The following TSGA13 variants were observed in gnomAD, a reference collection of about 807,000 sequenced individuals.
The protein encoded by TSGA13 is testis-specific gene 13 protein.
A neutral mutation model predicts 35.1 loss-of-function variants in TSGA13; 37 were observed. The observed-to-expected ratio is 1.05, with a 90% CI of 0.81 to 1.39. The LOEUF (loss-of-function observed/expected upper bound fraction) is 1.39. Among genes scored for constraint, TSGA13 ranks in the 40% most tolerant of loss-of-function variants. The probability of loss-of-function intolerance (pLI) is 0.00; values close to 1 mark genes in which losing one functional copy is unlikely to be tolerated. For missense variants in TSGA13, 338 were observed against 328.5 expected, an observed-to-expected ratio of 1.03 and a Z score of -0.22; for synonymous variants, 124 against 121.2, an observed-to-expected ratio of 1.02 and a Z score of -0.15.
intron 3 of TSGA13, among the ~76,000 whole-genome samples, chr7:130,681,360 T>C (rs561120480): frequency 2.0e-5 from 3 of 152,288 alleles, no homozygotes; most frequent in Admixed American, 2.0e-4. Flanking sequence ...TTCTTTCTTA[T>C]GCCTTTTCCA....
chr7:130,678,117 G>A (rs1348931852), intron 5 of TSGA13, among the ~76,000 whole-genome samples: 9 of 152,094 alleles, frequency 5.9e-5, no homozygotes, highest in South Asian at 2.1e-4. Context: ...GATGGCTCAC[G>A]CCTGTAATCC....
chr7:130,685,733 A>G (rs1232847116), intron 1 of TSGA13, among the ~76,000 whole-genome samples: 6 of 152,226 alleles, frequency 3.9e-5, no homozygotes, highest in African/African-American at 1.4e-4. Flanking sequence ...TCCTCCTGTC[A>G]ACAAAGCCAT....
chr7:130,673,492 A>G (rs1487357108), intron 5 of TSGA13, among the ~76,000 whole-genome samples: 4 of 152,160 alleles, frequency 2.6e-5, no homozygotes, highest in Non-Finnish European at 4.4e-5. Context: ...TTGATCAGCC[A>G]ATAGATATCT....
At position 130,679,317 on chromosome 7, in the gene TSGA13, A is replaced by G. The variant is rs372499482; in HGVS notation, c.225T>C (p.Ala75=). The change falls in exon 5 of 8, where the codon GCT becomes GCC. Residue 75 remains alanine, a synonymous_variant. Coordinates refer to ENST00000356588, the MANE Select transcript of TSGA13 (RefSeq NM_052933.4). ...TGAAGCTGGTGTTTTTCCTGTTTTGAGCCAGGAATTTCTGCAGGGCAGTGG... is the reference window on the plus strand; with the variant it reads ...TGAAGCTGGTGTTTTTCCTGTTTTGGGCCAGGAATTTCTGCAGGGCAGTGG... The part of the protein sequence containing the change: ...LKATALQKFL[A]QNRKNTSFML... The G allele has an allele frequency of 6.2e-7, 1 of 1,613,936 alleles. No homozygotes were observed. The highest frequency in any genetic ancestry group is 8.5e-7 in the Non-Finnish European group (1 of 1,179,994).
At position 130,672,465 on chromosome 7, in the gene TSGA13, CT is replaced by C. The variant is rs35118750; in HGVS notation, c.530+268del. On this transcript the variant is annotated intron_variant, in intron 6 of 7. Coordinates refer to ENST00000356588, the MANE Select transcript of TSGA13 (RefSeq NM_052933.4). ...TAGCGCCTAACTTGTATTGAGGGTA[CT>C]TTTTTTTTTTTCCTGTTTCTTCAAA... Among the ~76,000 whole-genome samples, 157 of 148,242 alleles carry C rather than the reference CT, an allele frequency of 1.1e-3. 1 individual carries two copies. The highest frequency in any genetic ancestry group is 1.4e-3 in the East Asian group (7 of 5,066).
intron 5 of TSGA13, among the ~76,000 whole-genome samples, chr7:130,677,486 G>C (rs138637635): frequency 6.6e-6 from 1 of 151,326 alleles, no homozygotes; most frequent in African/African-American, 2.4e-5. Context: ...ATGCAGTAGC[G>C]CTATCTTGGC....
intron 3 of TSGA13, 95 bp from the exon 4 acceptor site, chr7:130,681,112 T>C: frequency 9.5e-7 from 1 of 1,051,682 alleles, no homozygotes; most frequent in Non-Finnish European, 1.5e-6. Flanking sequence ...GGAGAACTGG[T>C]CTCTAACTTA....
chr7:130,675,921 G>A (rs1374868847), intron 5 of TSGA13, among the ~76,000 whole-genome samples: 5 of 152,182 alleles, frequency 3.3e-5, no homozygotes, highest in African/African-American at 1.2e-4. Context: ...TGTTGGGTCT[G>A]ATATCCTCCT....
Position 130,668,848 on chromosome 7 carries a change from C to T in TSGA13, c.*166G>A. On this transcript the variant is annotated 3_prime_UTR_variant, in exon 8 of 8. Transcript: ENST00000356588. Reference sequence around the variant, plus strand: ...CCTCGGCCCCCGGGACGCAGCCACGCCCCCTTCTCCTCTTGCGGCCCGCCG... The same window carrying T: ...CCTCGGCCCCCGGGACGCAGCCACGTCCCCTTCTCCTCTTGCGGCCCGCCG... The T allele has an allele frequency of 1.5e-6, 2 of 1,307,148 alleles. No homozygotes were observed. The highest frequency in any genetic ancestry group is 2.6e-5 in the East Asian group (1 of 38,288). The allele number at this position is 1,307,148 out of a possible 1,614,324, so 81.0% of individuals were successfully genotyped here. A position where few individuals can be genotyped will look rare whatever the true frequency, so the allele number is the denominator to read the frequency against.
At chr7:130,670,252 A>G (rs1563077400) in intron 7 of TSGA13, among the ~76,000 whole-genome samples, 1 of 152,194 alleles carries the variant, frequency 6.6e-6, no homozygotes, top group Non-Finnish European at 1.5e-5. Context: ...AGGAGCAGAG[A>G]AGCCTGAAGA....
chr7:130,680,053 G>A (rs1796508329), intron 4 of TSGA13, among the ~76,000 whole-genome samples: 1 of 152,216 alleles, frequency 6.6e-6, no homozygotes, highest in Non-Finnish European at 1.5e-5. Flanking sequence ...ACGAGGGAAA[G>A]CTACCAGGGA....
intron 3 of TSGA13, among the ~76,000 whole-genome samples, chr7:130,683,123 C>T (rs1478676084): frequency 1.3e-5 from 2 of 152,072 alleles, no homozygotes; most frequent in Non-Finnish European, 2.9e-5. Context: ...CATATCTGTT[C>T]CAAATTAGTC....
Position 130,668,750 on chromosome 7 carries a change from C to A in TSGA13, c.*264G>T. The A allele has an allele frequency of 1.4e-6, 2 of 1,458,496 alleles. No homozygotes were observed. The highest frequency in any genetic ancestry group is 9.2e-7 in the Non-Finnish European group (1 of 1,091,006). The allele number at this position is 1,458,496 out of a possible 1,614,324, so 90.3% of individuals were successfully genotyped here. ...GCGAGCGGAAGAGGCTGCAGGAAGG[C>A]CGGCCCCGCGCTCTCACGCCGGTTG... On this transcript the variant is annotated 3_prime_UTR_variant, in exon 8 of 8. Coordinates refer to ENST00000356588, the MANE Select transcript of TSGA13 (RefSeq NM_052933.4).
chr7:130,671,495 C>T (rs1554462941), intron 7 of TSGA13, among the ~76,000 whole-genome samples, 166 bp downstream of exon 7: 1 of 152,166 alleles, frequency 6.6e-6, no homozygotes, highest in East Asian at 1.9e-4. Context: ...CAGAGCTTTG[C>T]ACCTTTTGAG....
At chr7:130,676,060 G>A (rs1554464076) in intron 5 of TSGA13, among the ~76,000 whole-genome samples, 1 of 152,190 alleles carries the variant, frequency 6.6e-6, no homozygotes, top group Non-Finnish European at 1.5e-5. Context: ...GACAATCACT[G>A]TAATAGATAT....
intron 2 of TSGA13, among the ~76,000 whole-genome samples, chr7:130,684,472 T>C (rs530989551): frequency 6.6e-6 from 1 of 152,200 alleles, no homozygotes; most frequent in Non-Finnish European, 1.5e-5. Context: ...GATAGTTCCA[T>C]TGGGTGGTTA....
Position 130,675,129 on chromosome 7 carries a change from C to T in TSGA13, c.388-2253G>A, listed in dbSNP as rs145551043. Among the ~76,000 whole-genome samples the T allele has an allele frequency of 1.4e-3, 209 of 152,130 alleles. 1 individual carries two copies. Among genetic ancestry groups the T allele is most frequent in the Non-Finnish European group, 1.8e-3 (124 of 68,006 alleles). The stretch of plus-strand genomic sequence containing the variant: ...TGAAGGACCACTGTCTTAATGCAAA[C>T]ATATCACTCACATGTTTCTCCTACT... On this transcript the variant is annotated intron_variant, in intron 5 of 7. Coordinates refer to ENST00000356588, the MANE Select transcript of TSGA13 (RefSeq NM_052933.4).
At chr7:130,681,061 C>G (rs1301464329) in intron 3 of TSGA13, 44 bp from the exon 4 acceptor site, 1 of 1,547,510 alleles carries the variant, frequency 6.5e-7, no homozygotes, top group East Asian at 2.2e-5. Context: ...TTGCACCTAT[C>G]CTAAACAGTA....
intron 7 of TSGA13, among the ~76,000 whole-genome samples, chr7:130,671,228 G>A: frequency 6.6e-6 from 1 of 152,038 alleles, no homozygotes; most frequent in East Asian, 1.9e-4. Context: ...GTGGTACATA[G>A]ATAAACATTT....
Sources: gnomAD v4.1 joint callset for allele counts (sites outside exome capture counted in the v4.1 genomes callset) on GRCh38, gnomAD v4.1.1 for gene constraint, MANE v1.5 for transcripts, NCBI Gene and HGNC (gene_info 2026-07-23, HGNC 2026-07-21) for gene names.